The following STK24 variants were observed in gnomAD, a reference collection of about 807,000 sequenced individuals.
STK24 encodes the protein serine/threonine kinase 24.
STK24 carries 21 observed loss-of-function variants against 55.6 expected under a neutral mutation model. The ratio of observed to expected loss-of-function variants is 0.38; its 90% CI spans 0.27 to 0.54. The LOEUF is 0.54. Among genes scored for constraint, STK24 ranks in the 20% least tolerant of loss-of-function variants. The probability of loss-of-function intolerance (pLI) is 0.79; values close to 1 mark genes in which losing one functional copy is unlikely to be tolerated. For synonymous variants in STK24, 200 were observed against 215.2 expected, an observed-to-expected ratio of 0.93 and a Z score of 0.62; for missense variants, 383 against 538.4, an observed-to-expected ratio of 0.71 and a Z score of 2.86.
intron 2 of STK24, among the ~76,000 whole-genome samples, chr13:98,503,544 C>G (rs1781085228): frequency 6.6e-6 from 1 of 152,176 alleles, no homozygotes; most frequent in Non-Finnish European, 1.5e-5. Flanking sequence ...AGGGCAAGGG[C>G]AAGGACTGCG....
rs1482915684 is a variant in STK24, at chr13:98,448,690, A to G, written c.*4483T>C. 1 of 177,200 alleles carries G rather than the reference A, an allele frequency of 5.6e-6. No individual in the cohort carries two copies. The highest frequency in any genetic ancestry group is 1.2e-5 in the Non-Finnish European group (1 of 84,446). The allele number at this position is 177,200 out of a possible 1,614,324, so 11.0% of individuals were successfully genotyped here. The stretch of plus-strand genomic sequence containing the variant: ...CTTCCTAAAAAAAGTTCTTTCTTTT[A>G]TTATTTTCACCTATTGGCTGCTGCA... On this transcript the variant is annotated 3_prime_UTR_variant, in exon 11 of 11. Coordinates refer to ENST00000539966, the MANE Select transcript of STK24 (RefSeq NM_001032296.4).
At chr13:98,531,447 C>T (rs576298798) in intron 1 of STK24, among the ~76,000 whole-genome samples, 18 of 152,318 alleles carry the variant, frequency 1.2e-4, no homozygotes, top group African/African-American at 4.1e-4. Flanking sequence ...CTGCATATCC[C>T]TGGCCTCCTC....
intron 1 of STK24, among the ~76,000 whole-genome samples, chr13:98,560,188 C>G (rs1255885000): frequency 6.6e-6 from 1 of 152,208 alleles, no homozygotes; most frequent in Non-Finnish European, 1.5e-5. Flanking sequence ...GACACCTCCC[C>G]TCGACGCTCC....
chr13:98,478,988 C>T (rs756106760), intron 3 of STK24, among the ~76,000 whole-genome samples: 54 of 152,188 alleles, frequency 3.5e-4, no homozygotes, highest in Admixed American at 7.2e-4. Context: ...CAGGACTTTC[C>T]GCTGCTGTGT....
chr13:98,519,964 A>G (rs183806663), intron 1 of STK24, among the ~76,000 whole-genome samples: 19 of 152,362 alleles, frequency 1.2e-4, no homozygotes, highest in African/African-American at 4.1e-4. Context: ...ATGCATCTTC[A>G]TGAATAGTAC....
At chr13:98,460,601 C>T (rs540350687) in intron 8 of STK24, among the ~76,000 whole-genome samples, 161 bp from the exon 9 acceptor site, 44 of 152,326 alleles carry the variant, frequency 2.9e-4, no homozygotes, top group Admixed American at 1.8e-3. Context: ...AGGAGACTAT[C>T]GGCTGCCTCT....
intron 2 of STK24, among the ~76,000 whole-genome samples, chr13:98,485,979 T>C (rs1380047772): frequency 1.1e-4 from 17 of 151,270 alleles, no homozygotes; most frequent in Admixed American, 9.9e-4. Flanking sequence ...CCCACAGAAA[T>C]GGGAGGAAGC....
chr13:98,477,674 CAAAA>C (rs34403507), intron 3 of STK24, among the ~76,000 whole-genome samples: 2 of 91,886 alleles, frequency 2.2e-5, no homozygotes, highest in Admixed American at 1.2e-4. Context: ...GATTCCGTCT[CAAAA>C]AAAAAAAAAA....
intron 1 of STK24, chr13:98,542,709 C>T (rs1405527609): frequency 2.2e-6 from 1 of 445,336 alleles, no homozygotes; most frequent in Non-Finnish European, 3.0e-6. Flanking sequence ...ATATTAGTCC[C>T]TTGTTCCTGG....
chr13:98,506,475 C>G (rs575680188), intron 2 of STK24, among the ~76,000 whole-genome samples: 1 of 152,198 alleles, frequency 6.6e-6, no homozygotes, highest in Non-Finnish European at 1.5e-5. Flanking sequence ...AAAACCAAAA[C>G]GAGGCTCCTG....
At chr13:98,547,896 A>G (rs1273593504) in intron 1 of STK24, among the ~76,000 whole-genome samples, 1 of 152,206 alleles carries the variant, frequency 6.6e-6, no homozygotes, top group Non-Finnish European at 1.5e-5. Flanking sequence ...CCCACACTGT[A>G]GTTCTTATCC....
At chr13:98,530,030 T>C (rs1896540307) in intron 1 of STK24, among the ~76,000 whole-genome samples, 1 of 152,082 alleles carries the variant, frequency 6.6e-6, no homozygotes, top group Admixed American at 6.5e-5. Flanking sequence ...AAAGGCCAAT[T>C]GCAGGAAAAA....
chr13:98,515,783 GA>G (rs1896036874), intron 2 of STK24, among the ~76,000 whole-genome samples: 1 of 152,136 alleles, frequency 6.6e-6, no homozygotes, highest in Non-Finnish European at 1.5e-5. Flanking sequence ...CCCCAACAAT[GA>G]AGAAACCCAT....
intron 1 of STK24, among the ~76,000 whole-genome samples, chr13:98,550,404 C>T (rs1001020450): frequency 6.6e-6 from 1 of 152,112 alleles, no homozygotes; most frequent in African/African-American, 2.4e-5. Flanking sequence ...GTGGTGCACA[C>T]CTGTAGTCCC....
intron 2 of STK24, among the ~76,000 whole-genome samples, chr13:98,486,386 C>T (rs528730098): frequency 1.3e-5 from 2 of 152,194 alleles, no homozygotes; most frequent in South Asian, 4.2e-4. Context: ...AATGAGATCC[C>T]AAAGAATCGT....
chr13:98,576,432 C>T (rs967544224), intron 1 of STK24, among the ~76,000 whole-genome samples: 4 of 152,112 alleles, frequency 2.6e-5, no homozygotes, highest in African/African-American at 9.7e-5. Flanking sequence ...GACAGGGCCA[C>T]CCAGGGCCTG....
chr13:98,502,677 C>T (rs373758925), intron 2 of STK24, among the ~76,000 whole-genome samples: 13 of 152,264 alleles, frequency 8.5e-5, no homozygotes, highest in African/African-American at 3.1e-4. Context: ...CTCTTCCCAC[C>T]ACGTCATGAC....
intron 9 of STK24, 126 bp downstream of exon 9, chr13:98,460,246 C>G: frequency 2.2e-6 from 2 of 899,646 alleles, no homozygotes; most frequent in East Asian, 5.3e-5. Flanking sequence ...ACCATGCAGG[C>G]TTTCCGAGCC....
At chr13:98,463,422 C>T (rs139956665) in intron 7 of STK24, among the ~76,000 whole-genome samples, 7 of 152,154 alleles carry the variant, frequency 4.6e-5, no homozygotes, top group Middle Eastern at 3.4e-3. Flanking sequence ...CAGAACAGAA[C>T]GAAACAAAAC....
Sources: allele counts gnomAD v4.1 joint callset (sites outside exome capture counted in the v4.1 genomes callset), GRCh38; gene constraint gnomAD v4.1.1; transcripts MANE v1.5; gene names NCBI Gene and HGNC (gene_info 2026-07-23, HGNC 2026-07-21).